The following REV3L variants were observed in gnomAD, a reference collection of about 807,000 sequenced individuals.
REV3L encodes the protein REV3 like, DNA directed polymerase zeta catalytic subunit.
REV3L carries 69 observed loss-of-function variants against 299.4 expected under a neutral mutation model. That is an observed-to-expected ratio of 0.23 (90% confidence interval 0.19 to 0.28). The LOEUF (loss-of-function observed/expected upper bound fraction) is 0.28, where lower values mean the gene tolerates loss of function less well. Among genes scored for constraint, REV3L ranks in the 10% least tolerant of loss-of-function variants. The pLI is 1.00. For synonymous variants in REV3L, 1,238 were observed against 1,271.4 expected, an observed-to-expected ratio of 0.97 and a Z score of 0.56; for missense variants, 3,128 against 3,693.8, an observed-to-expected ratio of 0.85 and a Z score of 3.97.
At chr6:111,423,454 G>A (rs1785802130) in intron 1 of REV3L, among the ~76,000 whole-genome samples, 1 of 152,102 alleles carries the variant, frequency 6.6e-6, no homozygotes. Context: ...GTGTAGGTGG[G>A]ATGAAACAAG....
intron 31 of REV3L, 88 bp downstream of exon 31, chr6:111,307,273 T>C: frequency 8.7e-7 from 1 of 1,153,758 alleles, no homozygotes; most frequent in Non-Finnish European, 1.3e-6. Flanking sequence ...ACACCAGTTT[T>C]GTATCTCACA....
rs9400475 is a variant in REV3L at position 111,444,105 on chromosome 6, G to A, written c.140-27633C>T. Among the ~76,000 whole-genome samples the A allele has an allele frequency of 2.5e-3, 385 of 152,280 alleles. 8 individuals carry two copies. In the East Asian group the frequency reaches 0.056, roughly 22 times the overall value. On this transcript the variant is annotated intron_variant, in intron 1 of 31. Transcript: ENST00000368802. Reference sequence around the variant, plus strand: ...GGTAACTGACATGGAAATGTAACATGTAGACAGGCCTTCAAACATCTACTG... The same window carrying A: ...GGTAACTGACATGGAAATGTAACATATAGACAGGCCTTCAAACATCTACTG...
chr6:111,358,725 T>TTAATCTAAG (rs1778346677), intron 17 of REV3L, 97 bp downstream of exon 17: 2 of 898,596 alleles, frequency 2.2e-6, no homozygotes, highest in African/African-American at 1.7e-5. Context: ...AAAAGAGTCA[T>TTAATCTAAG]CATGCTTGCT....
intron 1 of REV3L, chr6:111,430,863 G>A (rs550650265): frequency 1.3e-5 from 21 of 1,605,114 alleles, no homozygotes; most frequent in Admixed American, 1.7e-5. Flanking sequence ...AAACCAGACG[G>A]AACAACAATG....
chr6:111,466,840 T>A (rs1179608609), intron 1 of REV3L, among the ~76,000 whole-genome samples: 1 of 151,880 alleles, frequency 6.6e-6, no homozygotes, highest in Non-Finnish European at 1.5e-5. Flanking sequence ...AGACTCTGTC[T>A]CAAAAAATAA....
Position 111,480,265 on chromosome 6 carries a change from T to A in REV3L, c.139+2485A>T, listed in dbSNP as rs562980493. 1.4e-4 allele frequency among the ~76,000 whole-genome samples: 21 copies of A among 152,350 alleles called. 1 individual carries two copies. In the South Asian group the frequency reaches 4.1e-3, roughly 30 times the overall value. ...GTTACACATTTTTATTACCTTATTT[T>A]ACTTGTTAGTAAAGATATAAACTAT... On this transcript the variant is annotated intron_variant, in intron 1 of 31. Transcript: ENST00000368802.
chr6:111,361,699 C>G (rs1415619718), intron 16 of REV3L: 1 of 152,080 alleles, frequency 6.6e-6, no homozygotes, highest in Non-Finnish European at 1.5e-5. Flanking sequence ...GATTACAACC[C>G]TTGTCTTCTG....
At chr6:111,329,011 C>T (rs896332414) in intron 25 of REV3L, among the ~76,000 whole-genome samples, 7 of 152,208 alleles carry the variant, frequency 4.6e-5, no homozygotes, top group African/African-American at 1.7e-4. Context: ...AAGTAATCCA[C>T]ATGCCTTGGC....
chr6:111,331,921 A>G (rs888000857), intron 23 of REV3L, 137 bp from the exon 24 acceptor site: 27 of 607,550 alleles, frequency 4.4e-5, no homozygotes, highest in Non-Finnish European at 6.9e-5. Flanking sequence ...ACTTAGTAAT[A>G]TGTTTATTTG....
At chr6:111,464,118 A>T (rs186979904) in intron 1 of REV3L, among the ~76,000 whole-genome samples, 2,535 of 147,906 alleles carry the variant, frequency 0.017, 47 homozygotes, top group Admixed American at 0.061. Flanking sequence ...ACAAAAATTT[A>T]AAAAAAAAAA....
intron 31 of REV3L, 42 bp downstream of exon 31, chr6:111,307,319 T>C (rs778927281): frequency 6.5e-7 from 1 of 1,532,118 alleles, no homozygotes; most frequent in South Asian, 1.1e-5. Flanking sequence ...TCCTGTAAGA[T>C]CAGACTGCTT....
rs1777338959 is a variant in REV3L at position 111,349,229 on chromosome 6, T to C, written c.7408A>G (p.Met2470Val). 4 of 1,545,270 alleles carry C rather than the reference T, an allele frequency of 2.6e-6. No individual in the cohort carries two copies. Among genetic ancestry groups the C allele is most frequent in the Non-Finnish European group, 3.6e-6 (4 of 1,119,390 alleles). The change falls in exon 20 of 32, where the codon ATG becomes GTG. Residue 2470 changes from methionine (M) to valine (V), a missense_variant. Around this residue, in one of 9 missense-constraint regions of REV3L, gnomAD observed 149 missense variants for 286.4 expected, o/e 0.52. Coordinates refer to ENST00000368802, the MANE Select transcript of REV3L (RefSeq NM_001372078.1). ...GRITLNLWRI[M>V]RNEVALTNYT... ...GATAAATCACCCACCTCATTTCTCA[T>C]GATTCTCCAAAGATTTAGTGTAATT...
intron 4 of REV3L, among the ~76,000 whole-genome samples, chr6:111,394,411 T>C (rs973318900): frequency 3.0e-4 from 46 of 152,350 alleles, no homozygotes; most frequent in Middle Eastern, 3.4e-3. Flanking sequence ...TTAAAAAATA[T>C]ACCTGCCGGC....
chr6:111,431,721 G>T (rs1786948292), intron 1 of REV3L: 4 of 940,584 alleles, frequency 4.3e-6, no homozygotes, highest in Admixed American at 1.9e-5. Flanking sequence ...CTGTGGATTT[G>T]ACAGAAGATA....
chr6:111,477,094 C>T (rs532854690), intron 1 of REV3L, among the ~76,000 whole-genome samples: 42 of 152,322 alleles, frequency 2.8e-4, no homozygotes, highest in South Asian at 2.3e-3. Context: ...TATGACAGCA[C>T]TTTCCCATGT....
intron 31 of REV3L, among the ~76,000 whole-genome samples, chr6:111,301,505 CAA>C (rs201406131): frequency 1.6e-5 from 2 of 124,912 alleles, no homozygotes; most frequent in African/African-American, 5.9e-5. Flanking sequence ...TGTAAAATTT[CAA>C]AAAAAAAAAA....
intron 1 of REV3L, among the ~76,000 whole-genome samples, chr6:111,420,004 C>T (rs774851143): frequency 1.6e-4 from 25 of 152,050 alleles, no homozygotes; most frequent in Admixed American, 3.3e-4. Flanking sequence ...GCCACCATGC[C>T]CGGCTAATTT....
At position 111,402,270 on chromosome 6, in the gene REV3L, G is replaced by GA. The variant is rs979076331; in HGVS notation, c.565+3199dup. Among the ~76,000 whole-genome samples, 23 of 150,936 alleles carry GA rather than the reference G, an allele frequency of 1.5e-4. No individual in the cohort carries two copies. In the Middle Eastern group the frequency reaches 0.01, roughly 67 times the overall value. Reference sequence around the variant, plus strand: ...AGTCCCAGGAGATTCAAACTATACTGAAAAAAAAATGTCTGAAGTATGTTC... The same window carrying GA: ...AGTCCCAGGAGATTCAAACTATACTGAAAAAAAAAATGTCTGAAGTATGTTC... On this transcript the variant is annotated intron_variant, in intron 4 of 31. Transcript: ENST00000368802.
chr6:111,467,562 C>G (rs1459238467), intron 1 of REV3L, among the ~76,000 whole-genome samples: 1 of 152,174 alleles, frequency 6.6e-6, no homozygotes, highest in Non-Finnish European at 1.5e-5. Flanking sequence ...AACCACAGAT[C>G]AAAAATATTC....
Sources: gnomAD v4.1 joint callset for allele counts (sites outside exome capture counted in the v4.1 genomes callset) on GRCh38, gnomAD v4.1.1 for gene constraint, gnomAD v4.1.1 regional missense constraint, MANE v1.5 for transcripts, NCBI Gene and HGNC (gene_info 2026-07-23, HGNC 2026-07-21) for gene names.